The following MCU variants were observed in gnomAD, a reference collection of about 807,000 sequenced individuals.
MCU encodes the protein mitochondrial calcium uniporter, also known as calcium uniporter protein, mitochondrial.
MCU carries 12 observed loss-of-function variants against 45.2 expected under a neutral mutation model. That is an observed-to-expected ratio of 0.27 (90% CI 0.17 to 0.43). The LOEUF is 0.43. MCU is among the 20% of genes least tolerant of loss of function. MCU has a pLI of 1.00. For synonymous variants in MCU, 160 were observed against 165.1 expected, an observed-to-expected ratio of 0.97 and a Z score of 0.24; for missense variants, 324 against 436.7, an observed-to-expected ratio of 0.74 and a Z score of 2.30.
chr10:72,854,892 C>A (rs996849407), intron 2 of MCU, among the ~76,000 whole-genome samples: 3 of 152,144 alleles, frequency 2.0e-5, no homozygotes, highest in African/African-American at 4.8e-5. Flanking sequence ...ATATTTAATA[C>A]CTCAGCCTTT....
rs2132884061 is a variant in MCU at position 72,870,364 on chromosome 10, C to A, written c.658-1013C>A. Among the ~76,000 whole-genome samples the A allele has an allele frequency of 2.0e-5, 3 of 152,236 alleles. No homozygotes were observed. The South Asian group carries it at 6.2e-4, about 32-fold the overall frequency. ...CACGATCTCGGCTCACTGCAGGCTCCACCTCCCGGGTTCACGCCATTCTCC... is the reference window on the plus strand; with the variant it reads ...CACGATCTCGGCTCACTGCAGGCTCAACCTCCCGGGTTCACGCCATTCTCC... On this transcript the variant is annotated intron_variant, in intron 5 of 7. Transcript: ENST00000373053.
intron 1 of MCU, chr10:72,708,380 G>A (rs939057931): frequency 2.0e-5 from 3 of 152,202 alleles, no homozygotes; most frequent in Non-Finnish European, 2.9e-5. Flanking sequence ...AGTAAGATGG[G>A]ACTGTACTAG....
chr10:72,715,545 A>G (rs893404454), intron 1 of MCU, among the ~76,000 whole-genome samples: 1 of 152,192 alleles, frequency 6.6e-6, no homozygotes, highest in African/African-American at 2.4e-5. Context: ...TCTCCTGGAA[A>G]TTTAATAGGG....
At chr10:72,846,051 A>ATT (rs886734429) in intron 2 of MCU, among the ~76,000 whole-genome samples, 83 of 148,446 alleles carry the variant, frequency 5.6e-4, no homozygotes, top group African/African-American at 1.7e-3. Context: ...GAAATAAACA[A>ATT]TTTTTTTTTT....
chr10:72,829,053 G>A (rs1564568672), intron 1 of MCU, among the ~76,000 whole-genome samples: 1 of 152,166 alleles, frequency 6.6e-6, no homozygotes, highest in Non-Finnish European at 1.5e-5. Context: ...GGGCGCCTTG[G>A]CTAATGCCTG....
intron 1 of MCU, among the ~76,000 whole-genome samples, chr10:72,781,834 T>C (rs1843998854): frequency 6.6e-6 from 1 of 152,206 alleles, no homozygotes; most frequent in East Asian, 1.9e-4. Flanking sequence ...GGAATAATGA[T>C]CTTGGAATCC....
At chr10:72,767,977 A>G (rs947978995) in intron 1 of MCU, among the ~76,000 whole-genome samples, 6 of 152,160 alleles carry the variant, frequency 3.9e-5, no homozygotes. Flanking sequence ...ACTTGGAAAA[A>G]CAATATTTGA....
At position 72,732,911 on chromosome 10, in the gene MCU, C is replaced by G. The variant is rs77240257; in HGVS notation, c.150+40610C>G. Among the ~76,000 whole-genome samples, 1,030 of 152,240 alleles carry G rather than the reference C, an allele frequency of 6.8e-3. 34 individuals are homozygous for G. Among genetic ancestry groups the G allele is most frequent in the East Asian group, 0.025 (131 of 5,178 alleles). The stretch of plus-strand genomic sequence containing the variant: ...GAGCATCCATGAGACGAAAATGGCC[C>G]TTTTGAGTGTTTTTTCTACATTTAG... On this transcript the variant is annotated intron_variant, in intron 1 of 7. Transcript: ENST00000373053.
chr10:72,748,354 T>C (rs1843444806), intron 1 of MCU, among the ~76,000 whole-genome samples: 1 of 152,248 alleles, frequency 6.6e-6, no homozygotes, highest in Non-Finnish European at 1.5e-5. Flanking sequence ...GCCAACCGTC[T>C]TAATTATCGT....
At chr10:72,706,821 C>T (rs1842827337) in intron 1 of MCU, among the ~76,000 whole-genome samples, 2 of 149,106 alleles carry the variant, frequency 1.3e-5, no homozygotes, top group African/African-American at 5.0e-5. Flanking sequence ...AGACGTAAAC[C>T]ACCGCACCCG....
At chr10:72,848,128 A>C (rs1396680769) in intron 2 of MCU, among the ~76,000 whole-genome samples, 1 of 152,198 alleles carries the variant, frequency 6.6e-6, no homozygotes, top group Non-Finnish European at 1.5e-5. Context: ...TGATGGTTCA[A>C]CTTATGGTTT....
At chr10:72,847,990 G>A (rs1845147131) in intron 2 of MCU, among the ~76,000 whole-genome samples, 1 of 152,170 alleles carries the variant, frequency 6.6e-6, no homozygotes, top group Non-Finnish European at 1.5e-5. Flanking sequence ...CAGAAGTAAA[G>A]CCTATTATGA....
intron 1 of MCU, among the ~76,000 whole-genome samples, chr10:72,772,421 G>C (rs1843824723): frequency 6.6e-6 from 1 of 152,246 alleles, no homozygotes; most frequent in South Asian, 2.1e-4. Context: ...ACAAGGCTGG[G>C]TGCAGTGGCT....
At chr10:72,839,813 A>T (rs1845020128) in intron 2 of MCU, among the ~76,000 whole-genome samples, 1 of 151,230 alleles carries the variant, frequency 6.6e-6, no homozygotes. Context: ...AAAAAAAAAA[A>T]ATTAGCCGGG....
chr10:72,774,664 A>G (rs769317345), intron 1 of MCU, among the ~76,000 whole-genome samples: 1 of 152,146 alleles, frequency 6.6e-6, no homozygotes, highest in Non-Finnish European at 1.5e-5. Context: ...CACCTCACTA[A>G]TAAAGTCACA....
intron 1 of MCU, among the ~76,000 whole-genome samples, chr10:72,755,948 G>A (rs1268280341): frequency 6.6e-6 from 1 of 151,538 alleles, no homozygotes; most frequent in East Asian, 1.9e-4. Flanking sequence ...GGGTCAAGCA[G>A]TCCTCCCACC....
At chr10:72,837,118 G>A (rs1564570559) in intron 2 of MCU, among the ~76,000 whole-genome samples, 2 of 151,774 alleles carry the variant, frequency 1.3e-5, no homozygotes, top group Non-Finnish European at 2.9e-5. Flanking sequence ...TGGTTATGAC[G>A]GTAACAGCTG....
intron 1 of MCU, among the ~76,000 whole-genome samples, chr10:72,731,858 A>G (rs1843179416): frequency 6.6e-6 from 1 of 152,190 alleles, no homozygotes; most frequent in African/African-American, 2.4e-5. Flanking sequence ...GTTTATAGAC[A>G]TTTGAGTTTT....
intron 1 of MCU, among the ~76,000 whole-genome samples, chr10:72,732,546 G>A (rs1489724271): frequency 6.6e-6 from 1 of 152,180 alleles, no homozygotes; most frequent in African/African-American, 2.4e-5. Flanking sequence ...AAACATGATA[G>A]GATCTGGTGA....
Sources: allele counts gnomAD v4.1 joint callset (sites outside exome capture counted in the v4.1 genomes callset), GRCh38; gene constraint gnomAD v4.1.1; transcripts MANE v1.5; gene names NCBI Gene and HGNC (gene_info 2026-07-23, HGNC 2026-07-21).